The following ZMYM2 variants were observed in gnomAD, a reference collection of about 807,000 sequenced individuals.
ZMYM2 encodes zinc finger MYM-type containing 2.
Under a neutral mutation model 162.8 loss-of-function variants are expected in ZMYM2, and 56 were observed. That is an observed-to-expected ratio of 0.34 (90% CI 0.28 to 0.43). The LOEUF is 0.43. ZMYM2 is among the 20% of genes least tolerant of loss of function. The probability of loss-of-function intolerance (pLI) is 1.00; values close to 1 mark genes in which losing one functional copy is unlikely to be tolerated. For missense variants in ZMYM2, 1,275 were observed against 1,621.8 expected, an observed-to-expected ratio of 0.79 and a Z score of 3.67; for synonymous variants, 510 against 541.6, an observed-to-expected ratio of 0.94 and a Z score of 0.81.
At chr13:19,962,977 C>T (rs1566161110) in intron 2 of ZMYM2, among the ~76,000 whole-genome samples, 1 of 151,990 alleles carries the variant, frequency 6.6e-6, no homozygotes, top group Non-Finnish European at 1.5e-5. Context: ...CGTGCCACTA[C>T]ACCTGGCTAG....
chr13:19,930,712 G>A, the ZMYM2 span, among the ~76,000 whole-genome samples: 1 of 150,938 alleles, frequency 6.6e-6, no homozygotes, highest in African/African-American at 2.4e-5. Flanking sequence ...GCTAATTTAT[G>A]TATTTTTAGT....
At chr13:20,046,668 T>C (rs1954856241) in intron 12 of ZMYM2, among the ~76,000 whole-genome samples, 1 of 150,452 alleles carries the variant, frequency 6.6e-6, no homozygotes, top group Non-Finnish European at 1.5e-5. Context: ...TGTGTATATA[T>C]ATGTGTGTAT....
chr13:19,967,559 A>G (rs1004853224), intron 2 of ZMYM2, among the ~76,000 whole-genome samples: 1 of 152,206 alleles, frequency 6.6e-6, no homozygotes, highest in African/African-American at 2.4e-5. Context: ...ACATTTATCA[A>G]ATCTTTCACT....
chr13:19,982,281 C>CTTTTTTTTTTTTTTTTTTTTTTT (rs56165263), intron 2 of ZMYM2, among the ~76,000 whole-genome samples: 1 of 86,278 alleles, frequency 1.2e-5, no homozygotes, highest in African/African-American at 3.8e-5. Context: ...TATTAGCTGT[C>CTTTTTTTTTTTTTTTTTTTTTTT]TTTTTTTTTT....
intron 12 of ZMYM2, among the ~76,000 whole-genome samples, chr13:20,044,346 A>G (rs1203817489): frequency 6.6e-6 from 1 of 152,186 alleles, no homozygotes; most frequent in Non-Finnish European, 1.5e-5. Context: ...CAGTTCACCT[A>G]ACTTGTGCCC....
the ZMYM2 span, among the ~76,000 whole-genome samples, chr13:19,884,699 G>GA: frequency 6.6e-6 from 1 of 152,058 alleles, no homozygotes; most frequent in East Asian, 1.9e-4. Context: ...TTCGTTCCTT[G>GA]CGGCGGATTC....
chr13:19,915,869 T>A, the ZMYM2 span, among the ~76,000 whole-genome samples: 2 of 151,516 alleles, frequency 1.3e-5, no homozygotes, highest in Middle Eastern at 3.4e-3. Context: ...TGACACTTTT[T>A]TTTTTTTTGA....
At chr13:19,869,311 C>A in the ZMYM2 span, among the ~76,000 whole-genome samples, 49 of 151,804 alleles carry the variant, frequency 3.2e-4, no homozygotes, top group African/African-American at 1.2e-3. Flanking sequence ...TTATTGATTT[C>A]TTTTTTTAAC....
intron 9 of ZMYM2, 55 bp downstream of exon 9, chr13:20,027,373 A>C (rs1339810599): frequency 7.5e-7 from 1 of 1,338,142 alleles, no homozygotes; most frequent in Non-Finnish European, 1.0e-6. Flanking sequence ...CATAGAAAAT[A>C]ATCAGTGTAA....
chr13:19,918,320 C>A, the ZMYM2 span, among the ~76,000 whole-genome samples: 3 of 151,250 alleles, frequency 2.0e-5, no homozygotes, highest in Non-Finnish European at 4.4e-5. Flanking sequence ...TGGCAGGCGC[C>A]TATAGTCCCA....
rs1956192567 is a variant in ZMYM2 at position 20,061,083 on chromosome 13, T to C, written c.2770T>C (p.Leu924=). The C allele has an allele frequency of 3.1e-6, 5 of 1,612,352 alleles. No individual in the cohort carries two copies. Among genetic ancestry groups the C allele is most frequent in the Non-Finnish European group, 4.2e-6 (5 of 1,179,146 alleles). ...VPVPVFLPAP[L]DSSEKIPAAI... Reference sequence around the variant, plus strand: ...AGTTCCTGTTTTTCTGCCTGCTCCATTGGACAGCAGTGAGAAGATTCCTGC... The same window carrying C: ...AGTTCCTGTTTTTCTGCCTGCTCCACTGGACAGCAGTGAGAAGATTCCTGC... The change falls in exon 17 of 25, where the codon TTG becomes CTG. Residue 924 remains leucine (L), a synonymous_variant. Transcript: ENST00000610343.
intron 19 of ZMYM2, among the ~76,000 whole-genome samples, chr13:20,065,505 A>G (rs1956605659): frequency 6.6e-6 from 1 of 152,166 alleles, no homozygotes. Flanking sequence ...GCCATCAGGA[A>G]AGTGAAAAGG....
intron 4 of ZMYM2, among the ~76,000 whole-genome samples, chr13:20,004,528 TACAGGCGTGAGCC>T (rs1282726077): frequency 6.6e-6 from 1 of 152,242 alleles, no homozygotes; most frequent in Non-Finnish European, 1.5e-5. Context: ...GTGCTGGGAT[TACAGGCGTGAGCC>T]ACTGCGCTCA....
chr13:19,898,722 T>G, the ZMYM2 span, among the ~76,000 whole-genome samples: 2 of 152,014 alleles, frequency 1.3e-5, no homozygotes, highest in Non-Finnish European at 2.9e-5. Context: ...GCCCAGGAGT[T>G]TGAGACCAGT....
chr13:19,970,814 C>T (rs1182894008), intron 2 of ZMYM2, among the ~76,000 whole-genome samples: 2 of 152,168 alleles, frequency 1.3e-5, no homozygotes, highest in East Asian at 3.9e-4. Flanking sequence ...TGGATAAATG[C>T]AGCTGAGGAA....
chr13:20,006,184 G>C (rs2139968920), intron 5 of ZMYM2, among the ~76,000 whole-genome samples, 190 bp from the exon 6 acceptor site: 1 of 151,610 alleles, frequency 6.6e-6, no homozygotes, highest in African/African-American at 2.4e-5. Context: ...AGTCAGCTTT[G>C]ATGGTGCCAC....
chr13:20,002,116 GAAACTAAACATATATGGAAA>G (rs1950436642), intron 3 of ZMYM2, among the ~76,000 whole-genome samples: 1 of 152,160 alleles, frequency 6.6e-6, no homozygotes. Context: ...TAAAGGCCAT[GAAACTAAACATATATGGAAA>G]AGCTGTTCTT....
intron 3 of ZMYM2, among the ~76,000 whole-genome samples, chr13:20,000,892 TA>T (rs1399782191): frequency 2.6e-5 from 4 of 152,242 alleles, no homozygotes; most frequent in African/African-American, 9.6e-5. Context: ...CAAAGTAAAT[TA>T]AAAGCCTTCT....
At chr13:19,877,028 T>TCCTGGCTAACAC in the ZMYM2 span, among the ~76,000 whole-genome samples, 2 of 152,002 alleles carry the variant, frequency 1.3e-5, no homozygotes, top group Non-Finnish European at 2.9e-5. Flanking sequence ...ATCGAGACCA[T>TCCTGGCTAACAC]GGTGAAACCC....
Sources: gnomAD v4.1 joint callset for allele counts (sites outside exome capture counted in the v4.1 genomes callset) on GRCh38, gnomAD v4.1.1 for gene constraint, MANE v1.5 for transcripts, NCBI Gene and HGNC (gene_info 2026-07-23, HGNC 2026-07-21) for gene names.